Variants in TSHZ2 observed in about 807,000 individuals in gnomAD.
The protein encoded by TSHZ2 is teashirt zinc finger homeobox 2, also known as teashirt homolog 2.
In TSHZ2, 21 loss-of-function variants were observed where a neutral mutation model predicts 74.4. The observed-to-expected ratio is 0.28, with a 90% confidence interval of 0.20 to 0.41. TSHZ2 has a LOEUF of 0.41. Among genes scored for constraint, TSHZ2 ranks in the 10% least tolerant of loss-of-function variants. The pLI, the probability that TSHZ2 is intolerant of heterozygous loss-of-function variation, is 1.00. For missense variants in TSHZ2, 1,244 were observed against 1,293.5 expected (o/e 0.96, Z 0.59); for synonymous variants, 540 against 515.3 (o/e 1.05, Z -0.65).
At chr20:53,027,892 T>TA (rs1170395177) in intron 1 of TSHZ2, among the ~76,000 whole-genome samples, 1 of 151,932 alleles carries the variant, frequency 6.6e-6, no homozygotes, top group Non-Finnish European at 1.5e-5. Flanking sequence ...ATATTTTTTT[T>TA]AAAAAAGAAA....
chr20:53,091,579 T>C (rs1278439266), intron 1 of TSHZ2, among the ~76,000 whole-genome samples: 1 of 152,270 alleles, frequency 6.6e-6, no homozygotes, highest in Non-Finnish European at 1.5e-5. Context: ...TACTATTTCT[T>C]GGTAGATCCA....
intron 2 of TSHZ2, among the ~76,000 whole-genome samples, chr20:53,346,600 C>T (rs1047926368): frequency 2.6e-5 from 4 of 152,200 alleles, no homozygotes; most frequent in African/African-American, 9.6e-5. Flanking sequence ...TCCTGTTGAC[C>T]AAAACCCTAA....
At chr20:53,203,729 C>A (rs954302307) in intron 1 of TSHZ2, among the ~76,000 whole-genome samples, 1 of 152,138 alleles carries the variant, frequency 6.6e-6, no homozygotes, top group South Asian at 2.1e-4. Flanking sequence ...AATTTTTATG[C>A]GAAATCTCCT....
intron 1 of TSHZ2, among the ~76,000 whole-genome samples, chr20:52,979,769 T>A (rs1981491204): frequency 6.6e-6 from 1 of 152,192 alleles, no homozygotes; most frequent in Non-Finnish European, 1.5e-5. Flanking sequence ...TATTTACAAT[T>A]TTAGAAATTA....
rs73286157 is a variant in TSHZ2 at position 53,049,055 on chromosome 20, G to A, written c.40+75722G>A. Among the ~76,000 whole-genome samples, 478 of 152,262 alleles carry A rather than the reference G, an allele frequency of 3.1e-3. 1 individual carries two copies. Among genetic ancestry groups the A allele is most frequent in the African/African-American group, 0.011 (444 of 41,560 alleles). ...AGAATAATCATATCTATTTCATGAGGTTGTTGGGAGTATTCATTGACATCG... is the reference window on the plus strand; with the variant it reads ...AGAATAATCATATCTATTTCATGAGATTGTTGGGAGTATTCATTGACATCG... On this transcript the variant is annotated intron_variant, in intron 1 of 2. Coordinates refer to ENST00000371497, the MANE Select transcript of TSHZ2 (RefSeq NM_173485.6).
chr20:53,004,923 A>AT (rs1982582160), intron 1 of TSHZ2, among the ~76,000 whole-genome samples: 1 of 152,180 alleles, frequency 6.6e-6, no homozygotes, highest in Non-Finnish European at 1.5e-5. Flanking sequence ...ACAGGAGGAA[A>AT]TTCATCTAAG....
chr20:53,322,022 G>C (rs1405891342), intron 2 of TSHZ2, among the ~76,000 whole-genome samples: 22 of 152,206 alleles, frequency 1.4e-4, no homozygotes, highest in Non-Finnish European at 5.9e-5. Context: ...GGGATGTCAT[G>C]GAGAAAGCTT....
chr20:53,436,535 TATTATTA>T (rs1984076644), intron 2 of TSHZ2, among the ~76,000 whole-genome samples: 2 of 103,286 alleles, frequency 1.9e-5, no homozygotes, highest in African/African-American at 8.1e-5. Context: ...TTATTATTAT[TATTATTA>T]TTATTATTTT....
intron 2 of TSHZ2, among the ~76,000 whole-genome samples, chr20:53,342,726 A>T (rs769348372): frequency 6.6e-6 from 1 of 152,094 alleles, no homozygotes; most frequent in Non-Finnish European, 1.5e-5. Flanking sequence ...ACCCCAATCC[A>T]GGGCCTCTGC....
intron 2 of TSHZ2, among the ~76,000 whole-genome samples, chr20:53,469,761 A>G (rs1372692608): frequency 3.3e-5 from 2 of 61,024 alleles, no homozygotes; most frequent in Non-Finnish European, 6.4e-5. Context: ...AGAAAGATAG[A>G]GAGGGAGGAA....
chr20:53,433,565 A>ACAGACACG (rs796332635), intron 2 of TSHZ2, among the ~76,000 whole-genome samples: 2,365 of 115,486 alleles, frequency 0.02, 69 homozygotes, highest in African/African-American at 0.076. Flanking sequence ...ACAAACCAAC[A>ACAGACACG]CAGACACACA....
At position 53,488,873 on chromosome 20, in the gene TSHZ2, A is replaced by G. The variant is rs1986367754; in HGVS notation, c.*1738A>G. On this transcript the variant is annotated 3_prime_UTR_variant, in exon 3 of 3. Transcript: ENST00000371497. Reference sequence around the variant, plus strand: ...AAACTTCTTATTTACCTCCTAGGGAAAGTGTTGCCCTTATGCCACATATAA... The same window carrying G: ...AAACTTCTTATTTACCTCCTAGGGAGAGTGTTGCCCTTATGCCACATATAA... The G allele has an allele frequency of 1.3e-5, 5 of 371,182 alleles. No homozygotes were observed. In the Admixed American group the frequency reaches 1.8e-4, roughly 13 times the overall value. The allele number at this position is 371,182 out of a possible 1,614,324, so 23.0% of individuals were successfully genotyped here.
chr20:53,182,249 T>TTTCCTTCCTTCCTTCC lies in TSHZ2; in HGVS notation c.41-71250_41-71249insTTCCTTCCTTCCTTCC, dbSNP rs61598200. Among the ~76,000 whole-genome samples the TTTCCTTCCTTCCTTCC allele has an allele frequency of 1.4e-4, 20 of 143,556 alleles. 1 individual carries two copies. In the East Asian group the frequency reaches 2.0e-3, roughly 14 times the overall value. The allele number at this position is 143,556 out of a possible 152,430, so 94.2% of individuals were successfully genotyped here. On this transcript the variant is annotated intron_variant, in intron 1 of 2. Transcript: ENST00000371497. ...TCTTGACTCCCTCCTTCCTTCCTTCTATCATTTTTTCTCTCCTTCTTCCCT... is the reference window on the plus strand; with the variant it reads ...TCTTGACTCCCTCCTTCCTTCCTTCTTTCCTTCCTTCCTTCCATCATTTTTTCTCTCCTTCTTCCCT...
At chr20:53,446,281 T>C (rs1003693152) in intron 2 of TSHZ2, among the ~76,000 whole-genome samples, 7 of 151,918 alleles carry the variant, frequency 4.6e-5, no homozygotes, top group Non-Finnish European at 1.0e-4. Flanking sequence ...GGTCAGCTTT[T>C]GGCCAGGCGC....
chr20:52,973,210 AC>A lies in TSHZ2; in HGVS notation c.-81del. 1 of 1,531,738 alleles carries A rather than the reference AC, an allele frequency of 6.5e-7. No individual in the cohort carries two copies. 94.9% of individuals were successfully genotyped at this position (1,531,738 alleles called of 1,614,324 possible). On this transcript the variant is annotated 5_prime_UTR_variant, in exon 1 of 3. An upstream open reading frame in the 5' UTR loses its in-frame stop. Coordinates refer to ENST00000371497, the MANE Select transcript of TSHZ2 (RefSeq NM_173485.6). Reference sequence around the variant, plus strand: ...AGCCACCGGGCAAGAGGCGGAGGAGACCCAGAGAGGCCAGAGAGACAGCGGG... The same window carrying A: ...AGCCACCGGGCAAGAGGCGGAGGAGACCAGAGAGGCCAGAGAGACAGCGGG...
At chr20:53,333,912 G>A (rs1277597706) in intron 2 of TSHZ2, among the ~76,000 whole-genome samples, 1 of 152,212 alleles carries the variant, frequency 6.6e-6, no homozygotes, top group Non-Finnish European at 1.5e-5. Flanking sequence ...AGATCACTGG[G>A]AGACAAATCT....
At position 53,110,816 on chromosome 20, in the gene TSHZ2, G is replaced by A. The variant is rs115643863; in HGVS notation, c.40+137483G>A. Among the ~76,000 whole-genome samples, 477 of 152,260 alleles carry A rather than the reference G, an allele frequency of 3.1e-3. 2 individuals are homozygous for A. Among genetic ancestry groups the A allele is most frequent in the African/African-American group, 0.011 (459 of 41,538 alleles). ...GAGCTTGTGGGTTGGCGGTGCCACC[G>A]AGATATAGATGGAGGCAGAGACTTG... On this transcript the variant is annotated intron_variant, in intron 1 of 2. Transcript: ENST00000371497.
chr20:53,073,806 T>C (rs895795566), intron 1 of TSHZ2, among the ~76,000 whole-genome samples: 4 of 152,200 alleles, frequency 2.6e-5, no homozygotes, highest in African/African-American at 9.7e-5. Context: ...GGTTGATTGA[T>C]GTACATTTTT....
chr20:53,410,127 G>A (rs981952323), intron 2 of TSHZ2, among the ~76,000 whole-genome samples: 2 of 152,044 alleles, frequency 1.3e-5, no homozygotes, highest in Admixed American at 6.6e-5. Flanking sequence ...GATTACAGGC[G>A]TAAGCCACCG....
Sources: gnomAD v4.1 joint callset for allele counts (sites outside exome capture counted in the v4.1 genomes callset) on GRCh38, gnomAD v4.1.1 for gene constraint, MANE v1.5 for transcripts, NCBI Gene and HGNC (gene_info 2026-07-23, HGNC 2026-07-21) for gene names.